The following NPEPPS variants were observed in gnomAD, a reference collection of about 807,000 sequenced individuals.
The protein encoded by NPEPPS is puromycin-sensitive aminopeptidase.
Under a neutral mutation model 115.5 loss-of-function variants are expected in NPEPPS, and 14 were observed. The ratio of observed to expected loss-of-function variants is 0.12; its 90% CI spans 0.08 to 0.19. NPEPPS has a LOEUF of 0.19. NPEPPS is among the 10% of genes least tolerant of loss of function. The probability of loss-of-function intolerance (pLI) is 1.00; values close to 1 mark genes in which losing one functional copy is unlikely to be tolerated. For synonymous variants in NPEPPS, 285 were observed against 390.6 expected, an observed-to-expected ratio of 0.73 and a Z score of 3.19; for missense variants, 523 against 1,110.8, an observed-to-expected ratio of 0.47 and a Z score of 7.52.
chr17:47,523,943 T>C (rs910307306), intron 1 of NPEPPS, among the ~76,000 whole-genome samples: 2 of 152,146 alleles, frequency 1.3e-5, no homozygotes, highest in Non-Finnish European at 1.5e-5. Context: ...AAAACAATAG[T>C]GGCTCTGGCT....
intron 17 of NPEPPS, among the ~76,000 whole-genome samples, chr17:47,608,009 G>GTT (rs572654459): frequency 2.1e-5 from 3 of 144,438 alleles, no homozygotes; most frequent in African/African-American, 5.0e-5. Flanking sequence ...ACCCAGCTAT[G>GTT]TTTTTTTTTT....
In NPEPPS at chr17:47,555,500, A is replaced by G. The variant is rs1384085694; in HGVS notation, c.340+9507A>G. 2.0e-5 allele frequency among the ~76,000 whole-genome samples: 3 copies of G among 151,740 alleles called. No homozygotes were observed. The East Asian group carries it at 5.8e-4, about 29-fold the overall frequency. On this transcript the variant is annotated intron_variant, in intron 2 of 22. Coordinates refer to ENST00000322157, the MANE Select transcript of NPEPPS (RefSeq NM_006310.4). ...GTAGCTGGGATTACAGGCATGCACCACCACACCCGGCTAATTTTGTATTTT... is the reference window on the plus strand; with the variant it reads ...GTAGCTGGGATTACAGGCATGCACCGCCACACCCGGCTAATTTTGTATTTT...
intron 5 of NPEPPS, among the ~76,000 whole-genome samples, chr17:47,583,844 C>T (rs1296261944): frequency 6.6e-6 from 1 of 151,660 alleles, no homozygotes; most frequent in African/African-American, 2.4e-5. Context: ...ATCTCTCGAA[C>T]TTAGGAGTTT....
upstream of NPEPPS, among the ~76,000 whole-genome samples, chr17:47,530,684 A>G (rs1376889632): frequency 6.6e-6 from 1 of 152,138 alleles, no homozygotes; most frequent in East Asian, 1.9e-4. Context: ...AAAACTTTCA[A>G]ATCATCCTTT....
chr17:47,557,877 A>G (rs761636434), intron 2 of NPEPPS, among the ~76,000 whole-genome samples: 1 of 137,296 alleles, frequency 7.3e-6, no homozygotes, highest in African/African-American at 2.5e-5. Flanking sequence ...ATGCCCCTTT[A>G]TAATCCTTTT....
upstream of NPEPPS, among the ~76,000 whole-genome samples, chr17:47,529,873 T>A (rs1907607568): frequency 7.2e-6 from 1 of 139,202 alleles, no homozygotes; most frequent in African/African-American, 2.6e-5. Context: ...TCTTTTAGTT[T>A]AAAAAGAAAC....
chr17:47,601,972 A>AT, intron 15 of NPEPPS: 1 of 474,706 alleles, frequency 2.1e-6, no homozygotes, highest in Non-Finnish European at 3.7e-6. Flanking sequence ...AAGGAGGAGA[A>AT]GAAAAAAAAA....
At chr17:47,581,340 TGAAA>T (rs2143838575) in intron 4 of NPEPPS, 1 of 152,340 alleles carries the variant, frequency 6.6e-6, no homozygotes, top group African/African-American at 2.4e-5. Context: ...TTTTTCAGTG[TGAAA>T]GAGTTTTTCT....
In NPEPPS at chr17:47,559,743, CTCTTGTCTTG is replaced by C. The variant is rs560180833; in HGVS notation, c.341-9654_341-9645del. The C allele has an allele frequency of 2.4e-3, 1,075 of 440,048 alleles. 22 individuals are homozygous for C. The highest frequency in any genetic ancestry group is 0.017 in the South Asian group (1,029 of 62,120). The allele number at this position is 440,048 out of a possible 1,614,324, so 27.3% of individuals were successfully genotyped here. ...AAAGGAGGGGGTCATTTACTCAAGC[CTCTTGTCTTG>C]TCTTGTCTTGTCTTGTCTTTTCTCT... On this transcript the variant is annotated intron_variant, in intron 2 of 22. Coordinates refer to ENST00000322157, the MANE Select transcript of NPEPPS (RefSeq NM_006310.4).
intron 17 of NPEPPS, among the ~76,000 whole-genome samples, chr17:47,609,126 A>T (rs1314620365): frequency 6.6e-6 from 1 of 152,160 alleles, no homozygotes; most frequent in Non-Finnish European, 1.5e-5. Context: ...ATTTGAACAT[A>T]TGCGGTAGTA....
intron 3 of NPEPPS, among the ~76,000 whole-genome samples, chr17:47,576,635 C>T (rs1283935859): frequency 1.3e-5 from 2 of 152,150 alleles, no homozygotes; most frequent in Admixed American, 1.3e-4. Context: ...CCAGGTTTTA[C>T]AATTGTTATA....
At chr17:47,606,419 A>G (rs1913519802) in intron 17 of NPEPPS, among the ~76,000 whole-genome samples, 1 of 152,026 alleles carries the variant, frequency 6.6e-6, no homozygotes, top group African/African-American at 2.4e-5. Flanking sequence ...AGTCTTTTGT[A>G]ATAAAAATAG....
In NPEPPS at chr17:47,590,773, G is replaced by A; in HGVS notation, c.1152G>A (p.Leu384=). The A allele has an allele frequency of 4.4e-6, 7 of 1,604,048 alleles. No individual in the cohort carries two copies. Among genetic ancestry groups the A allele is most frequent in the Non-Finnish European group, 6.0e-6 (7 of 1,174,234 alleles). Reference sequence around the variant, plus strand: ...GTTTTGCATCCTGGATTGAATATCTGTGTGTAGACCACTGCTTCCCAGAGT... The same window carrying A: ...GTTTTGCATCCTGGATTGAATATCTATGTGTAGACCACTGCTTCCCAGAGT... ...NEGFASWIEY[L]CVDHCFPEYD... is the part of the protein sequence containing the mutation. The change falls in exon 10 of 23, where the codon CTG becomes CTA. Residue 384 remains leucine, a synonymous_variant. Transcript: ENST00000322157.
chr17:47,576,428 G>T, intron 3 of NPEPPS, among the ~76,000 whole-genome samples: 1 of 152,168 alleles, frequency 6.6e-6, no homozygotes, highest in Non-Finnish European at 1.5e-5. Context: ...GGAGCCGAAG[G>T]TTGCAGTGAG....
intron 2 of NPEPPS, among the ~76,000 whole-genome samples, chr17:47,559,070 G>T (rs1910259762): frequency 1.3e-5 from 2 of 151,994 alleles, no homozygotes; most frequent in African/African-American, 2.4e-5. Flanking sequence ...AAAAGATAGG[G>T]TCTTGCTCTG....
At chr17:47,570,337 G>A (rs567015934) in intron 3 of NPEPPS, among the ~76,000 whole-genome samples, 2 of 152,120 alleles carry the variant, frequency 1.3e-5, no homozygotes, top group African/African-American at 4.8e-5. Flanking sequence ...CAAGAAAATC[G>A]CCAGAAGCCA....
At chr17:47,603,015 T>C (rs777472911) in intron 15 of NPEPPS, among the ~76,000 whole-genome samples, 17 of 152,144 alleles carry the variant, frequency 1.1e-4, no homozygotes, top group Admixed American at 2.0e-4. Flanking sequence ...TTTAAAAATA[T>C]TTACATATAA....
chr17:47,563,690 C>T (rs1910601410), intron 2 of NPEPPS, among the ~76,000 whole-genome samples: 1 of 151,984 alleles, frequency 6.6e-6, no homozygotes, highest in Non-Finnish European at 1.5e-5. Context: ...CCTGCCTCAG[C>T]CTCCTGAGTA....
At chr17:47,556,010 G>A (rs34894439) in intron 2 of NPEPPS, among the ~76,000 whole-genome samples, 2 of 128,586 alleles carry the variant, frequency 1.6e-5, no homozygotes, top group African/African-American at 5.8e-5. Flanking sequence ...TTTTGAAATA[G>A]AGTCTTGTGC....
Sources: gnomAD v4.1 joint callset for allele counts (sites outside exome capture counted in the v4.1 genomes callset) on GRCh38, gnomAD v4.1.1 for gene constraint, MANE v1.5 for transcripts, NCBI Gene and HGNC (gene_info 2026-07-23, HGNC 2026-07-21) for gene names.